Variants in WTAP observed in about 807,000 individuals in gnomAD.
The protein encoded by WTAP is pre-mRNA-splicing regulator WTAP.
In WTAP, 8 loss-of-function variants were observed where a neutral mutation model predicts 50.0. The observed-to-expected ratio is 0.16, with a 90% confidence interval of 0.09 to 0.29. WTAP has a LOEUF of 0.29. Ranked by LOEUF, WTAP falls within the 10% of genes least tolerant of loss-of-function variation. WTAP has a pLI of 1.00. For missense variants in WTAP, 295 were observed against 470.7 expected (o/e 0.63, Z 3.45); for synonymous variants, 194 against 169.0 (o/e 1.15, Z -1.15).
At chr6:159,737,472 A>G (rs1778991895) in intron 2 of WTAP, among the ~76,000 whole-genome samples, 1 of 152,254 alleles carries the variant, frequency 6.6e-6, no homozygotes, top group East Asian at 1.9e-4. Context: ...GTAAGGGAAT[A>G]CTAATAAAGC....
At chr6:159,727,100 C>G, upstream of WTAP, 3 of 1,193,964 alleles carry the variant, frequency 2.5e-6, no homozygotes, top group South Asian at 4.5e-5. Context: ...CCTCGCTGGC[C>G]CGCCCCTCCC....
chr6:159,738,710 G>A (rs1376743230), intron 2 of WTAP, among the ~76,000 whole-genome samples: 3 of 151,984 alleles, frequency 2.0e-5, no homozygotes, highest in Non-Finnish European at 2.9e-5. Context: ...CCTCACCAGC[G>A]TTTGGTGTTG....
intron 6 of WTAP, among the ~76,000 whole-genome samples, chr6:159,751,961 C>G (rs762703960): frequency 6.6e-6 from 1 of 151,598 alleles, no homozygotes; most frequent in Admixed American, 6.6e-5. Context: ...ACTCCGGAGG[C>G]TGAGGTGGGA....
At chr6:159,731,893 A>G (rs1318032162) in intron 1 of WTAP, among the ~76,000 whole-genome samples, 1 of 152,216 alleles carries the variant, frequency 6.6e-6, no homozygotes, top group Non-Finnish European at 1.5e-5. Flanking sequence ...CCCTTTAAAA[A>G]CAGATTATCA....
chr6:159,732,739 G>A (rs983946552), intron 1 of WTAP, among the ~76,000 whole-genome samples: 3 of 151,980 alleles, frequency 2.0e-5, no homozygotes, highest in East Asian at 1.9e-4. Flanking sequence ...CAGGAGAATC[G>A]CTTGAATCCA....
chr6:159,731,729 A>C (rs991775644), intron 1 of WTAP, among the ~76,000 whole-genome samples: 3 of 152,156 alleles, frequency 2.0e-5, no homozygotes, highest in Non-Finnish European at 4.4e-5. Flanking sequence ...CAGAAATAGC[A>C]CAGTATTTGG....
At position 159,755,168 on chromosome 6, in the gene WTAP, A is replaced by C. The variant is rs752368470; in HGVS notation, c.748A>C (p.Ser250Arg). 1 of 1,614,178 alleles carries C rather than the reference A, an allele frequency of 6.2e-7. No individual in the cohort carries two copies. Among genetic ancestry groups the C allele is most frequent in the Non-Finnish European group, 8.5e-7 (1 of 1,180,018 alleles). Residue 250 changes from serine (S) to arginine (R), a missense_variant, in exon 8 of 8, where the codon AGT (serine) becomes CGT (arginine). Ser to Arg is a moderately radical substitution (Grantham distance 110). Coordinates refer to ENST00000621533, the MANE Select transcript of WTAP (RefSeq NM_001270531.2). ...GCAGCAGTCTCAGGCCTCTGCCCCA[A>C]GTACCAGCAGGACTACAGCTTCTGA... ...QQQQSQASAP[S>R]TSRTTASEPV...
chr6:159,727,498 C>T (rs956480322), upstream of WTAP: 1 of 992,930 alleles, frequency 1.0e-6, no homozygotes, highest in Non-Finnish European at 1.2e-6. Context: ...GCGGCGGGGC[C>T]TGGTTTCCTC....
At chr6:159,738,089 G>A (rs931949324) in intron 2 of WTAP, among the ~76,000 whole-genome samples, 1 of 152,146 alleles carries the variant, frequency 6.6e-6, no homozygotes, top group African/African-American at 2.4e-5. Flanking sequence ...CACATTTCAC[G>A]TTATACTAGC....
intron 1 of WTAP, among the ~76,000 whole-genome samples, chr6:159,728,579 T>A (rs918324434): frequency 6.6e-6 from 1 of 152,236 alleles, no homozygotes; most frequent in Admixed American, 6.5e-5. Flanking sequence ...AAGTTCTCGT[T>A]TTTTGGATTT....
rs1779954810 is a variant in WTAP, at chr6:159,755,137, CCAG to C, written c.727_729del (p.Gln243del). On this transcript the variant is annotated inframe_deletion, in exon 8 of 8. Transcript: ENST00000621533. The stretch of plus-strand genomic sequence containing the variant: ...AGACACGCCAGCAGTTGGCTCAGTA[CCAG>C]CAGCAGCAGTCTCAGGCCTCTGCCC... 1.2e-6 allele frequency: 2 copies of C among 1,614,000 alleles called. No homozygotes were observed. Among genetic ancestry groups the C allele is most frequent in the Admixed American group, 1.7e-5 (1 of 59,998 alleles).
chr6:159,751,387 A>G (rs1449111219), intron 6 of WTAP, among the ~76,000 whole-genome samples: 2 of 152,212 alleles, frequency 1.3e-5, no homozygotes, highest in African/African-American at 4.8e-5. Flanking sequence ...TAAGAAGGTT[A>G]GTTGTAAACA....
At chr6:159,741,559 A>T (rs1226935523) in intron 3 of WTAP, 1 of 152,408 alleles carries the variant, frequency 6.6e-6, no homozygotes, top group Non-Finnish European at 1.5e-5. Flanking sequence ...GTGATATCAA[A>T]GTGAATCTGG....
intron 1 of WTAP, chr6:159,731,084 T>TG (rs1482262791): frequency 1.2e-4 from 19 of 152,040 alleles, no homozygotes; most frequent in Admixed American, 1.1e-3. Context: ...GAGGTTGCAG[T>TG]GAGCCCAGAT....
intron 1 of WTAP, among the ~76,000 whole-genome samples, chr6:159,728,659 A>G (rs992850657): frequency 1.3e-5 from 2 of 152,194 alleles, no homozygotes; most frequent in African/African-American, 4.8e-5. Context: ...GTAATTTAAA[A>G]CTATGAGCGA....
intron 3 of WTAP, chr6:159,741,849 G>A (rs900025386): frequency 1.5e-5 from 5 of 342,092 alleles, no homozygotes; most frequent in Non-Finnish European, 2.1e-5. Context: ...TGTGCCTTTG[G>A]TCCCAGCTAT....
intron 2 of WTAP, 58 bp from the exon 3 acceptor site, chr6:159,738,932 T>C: frequency 7.6e-7 from 1 of 1,320,090 alleles, no homozygotes; most frequent in Non-Finnish European, 1.1e-6. Flanking sequence ...TAGGTCTCAT[T>C]ATAGAACTTT....
At position 159,736,309 on chromosome 6, in the gene WTAP, T is replaced by G; in HGVS notation, c.30+14T>G. 1 of 1,601,690 alleles carries G rather than the reference T, an allele frequency of 6.2e-7. No individual in the cohort carries two copies. On this transcript the variant is annotated intron_variant, in intron 2 of 7. Coordinates refer to ENST00000621533, the MANE Select transcript of WTAP (RefSeq NM_001270531.2). ...CTTCCCAAGAAGGTATGGGTTTTGG[T>G]TTTGGGTTTTTTTGTTTTGTTTTGG...
chr6:159,742,681 T>C (rs1181731326), intron 4 of WTAP, among the ~76,000 whole-genome samples: 1 of 152,208 alleles, frequency 6.6e-6, no homozygotes, highest in Non-Finnish European at 1.5e-5. Flanking sequence ...CCAATATATA[T>C]TGTTTTGTAA....
Sources: gnomAD v4.1 joint callset for allele counts (sites outside exome capture counted in the v4.1 genomes callset) on GRCh38, gnomAD v4.1.1 for gene constraint, MANE v1.5 for transcripts, NCBI Gene and HGNC (gene_info 2026-07-23, HGNC 2026-07-21) for gene names.